Variants in PAM observed in about 807,000 individuals in gnomAD.
PAM encodes the protein peptidyl-glycine alpha-amidating monooxygenase.
Under a neutral mutation model 122.1 loss-of-function variants are expected in PAM, and 72 were observed. The observed-to-expected ratio is 0.59, with a 90% CI of 0.49 to 0.72. PAM has a LOEUF of 0.72. Ranked by LOEUF, PAM falls within the 30% of genes least tolerant of loss-of-function variation. PAM has a pLI of 0.00. For missense variants in PAM, 1,106 were observed against 1,183.7 expected (o/e 0.93, Z 0.96); for synonymous variants, 389 against 404.4 (o/e 0.96, Z 0.46).
chr5:102,947,143 G>A (rs1031923307), intron 8 of PAM, among the ~76,000 whole-genome samples: 2 of 152,170 alleles, frequency 1.3e-5, no homozygotes, highest in Admixed American at 1.3e-4. Flanking sequence ...TGACTGGGGA[G>A]GAGCCACTTC....
chr5:102,793,178 C>T (rs546408882), intron 1 of PAM, among the ~76,000 whole-genome samples: 12 of 152,090 alleles, frequency 7.9e-5, no homozygotes, highest in Non-Finnish European at 1.5e-4. Flanking sequence ...AAATTCCCTC[C>T]GTGTAAATTA....
intron 15 of PAM, among the ~76,000 whole-genome samples, chr5:102,977,515 A>C (rs1259135411): frequency 6.6e-6 from 1 of 151,966 alleles, no homozygotes; most frequent in Non-Finnish European, 1.5e-5. Flanking sequence ...ACTCTGAACA[A>C]TTGTGAAAAC....
At chr5:102,887,953 A>G (rs933813747) in intron 3 of PAM, among the ~76,000 whole-genome samples, 2 of 151,606 alleles carry the variant, frequency 1.3e-5, no homozygotes, top group Non-Finnish European at 2.9e-5. Context: ...CGCATCCTCC[A>G]CCTTTTAGAG....
intron 1 of PAM, among the ~76,000 whole-genome samples, chr5:102,775,036 G>A (rs1756795156): frequency 6.6e-6 from 1 of 151,606 alleles, no homozygotes; most frequent in African/African-American, 2.4e-5. Context: ...TAACTACTTA[G>A]TTCTGGAATT....
At chr5:103,015,698 G>A (rs1381074211) in intron 21 of PAM, among the ~76,000 whole-genome samples, 2 of 152,176 alleles carry the variant, frequency 1.3e-5, no homozygotes, top group African/African-American at 2.4e-5. Context: ...TCCTATAGTG[G>A]CCCCAAAGTA....
At position 103,003,035 on chromosome 5, in the gene PAM, C is replaced by T. The variant is rs78408340; in HGVS notation, c.1616C>T (p.Ser539Leu). ...CCTATTTAATGCTTTTTGTTTAGCT[C>T]GTTTGACAGCAAGTTTGTTTACCAG... ...HRGDHVWDGNSFDSKFVYQQI... is the reference protein window; with the variant it reads ...HRGDHVWDGNLFDSKFVYQQI... Residue 539 changes from serine (S) to leucine (L), a missense_variant and splice_region_variant, in exon 17 of 26, where the codon TCG becomes TTG. Ser to Leu is a moderately radical substitution (Grantham distance 145, BLOSUM62 -2). Coordinates refer to ENST00000438793, the MANE Select transcript of PAM (RefSeq NM_001177306.2). 93 of 1,492,478 alleles carry T rather than the reference C, an allele frequency of 6.2e-5. No homozygotes were observed. The highest frequency in any genetic ancestry group is 8.1e-5 in the Non-Finnish European group (87 of 1,070,182). The allele number at this position is 1,492,478 out of a possible 1,614,324, so 92.5% of individuals were successfully genotyped here. A position where few individuals can be genotyped will look rare whatever the true frequency, so the allele number is the denominator to read the frequency against.
intron 1 of PAM, among the ~76,000 whole-genome samples, chr5:102,788,670 A>G (rs1265354284): frequency 6.6e-6 from 1 of 152,122 alleles, no homozygotes; most frequent in Non-Finnish European, 1.5e-5. Context: ...TAACATCTGT[A>G]TTATGGGCCA....
In PAM at chr5:103,029,044, G is replaced by T; in HGVS notation, c.2901G>T (p.Ala967=). The change falls in exon 26 of 26, where the codon GCG becomes GCT. Residue 967 remains alanine (A), a synonymous_variant. Coordinates refer to ENST00000438793, the MANE Select transcript of PAM (RefSeq NM_001177306.2). ...SEEEYSAPLP[A]LAPSSS ...AGGAGTATTCAGCACCTCTGCCTGCGCTCGCACCTTCCTCCTCCTGAAAAC... is the reference window on the plus strand; with the variant it reads ...AGGAGTATTCAGCACCTCTGCCTGCTCTCGCACCTTCCTCCTCCTGAAAAC... 1 of 1,606,782 alleles carries T rather than the reference G, an allele frequency of 6.2e-7. No homozygotes were observed. The highest frequency in any genetic ancestry group is 8.5e-7 in the Non-Finnish European group (1 of 1,177,954).
At chr5:102,987,037 A>G (rs1163410393) in intron 15 of PAM, among the ~76,000 whole-genome samples, 1 of 152,204 alleles carries the variant, frequency 6.6e-6, no homozygotes. Context: ...TAGTGCAATC[A>G]TTATACCAAT....
chr5:103,024,699 A>G (rs901909747), intron 23 of PAM, among the ~76,000 whole-genome samples: 2 of 152,182 alleles, frequency 1.3e-5, no homozygotes, highest in African/African-American at 4.8e-5. Flanking sequence ...AGATGAAGTT[A>G]CTGTGGCCCA....
intron 1 of PAM, among the ~76,000 whole-genome samples, chr5:102,837,191 T>C (rs559423810): frequency 2.0e-5 from 3 of 152,326 alleles, no homozygotes; most frequent in African/African-American, 7.2e-5. Context: ...ACAGTAATTA[T>C]AATGTATTTC....
intron 1 of PAM, among the ~76,000 whole-genome samples, chr5:102,817,524 G>C (rs1405877536): frequency 6.6e-6 from 1 of 152,050 alleles, no homozygotes; most frequent in Non-Finnish European, 1.5e-5. Flanking sequence ...TATTTTTAAA[G>C]TGATTTCATT....
At chr5:103,006,671 TA>T (rs1157317964) in intron 18 of PAM, 129 bp from the exon 19 acceptor site, 2 of 674,204 alleles carry the variant, frequency 3.0e-6, no homozygotes, top group African/African-American at 3.6e-5. Flanking sequence ...TAACAAGTAT[TA>T]ATACCTTCTT....
intron 1 of PAM, among the ~76,000 whole-genome samples, chr5:102,787,315 A>G (rs1337427945): frequency 1.3e-5 from 2 of 152,038 alleles, no homozygotes; most frequent in African/African-American, 4.8e-5. Flanking sequence ...GCCATGTTCT[A>G]AATGTAGCTA....
chr5:102,783,648 T>G (rs1759650489), intron 1 of PAM, among the ~76,000 whole-genome samples: 1 of 152,136 alleles, frequency 6.6e-6, no homozygotes, highest in South Asian at 2.1e-4. Flanking sequence ...ATCTAGAAAT[T>G]AATTCTCTTT....
intron 7 of PAM, among the ~76,000 whole-genome samples, chr5:102,939,026 GTTAA>G (rs1198020288): frequency 6.6e-6 from 1 of 152,080 alleles, no homozygotes; most frequent in Non-Finnish European, 1.5e-5. Context: ...TTTCTTTTAT[GTTAA>G]TTGACTGTTT....
intron 16 of PAM, among the ~76,000 whole-genome samples, chr5:102,991,671 T>C (rs1369857750): frequency 6.6e-6 from 1 of 152,150 alleles, no homozygotes; most frequent in African/African-American, 2.4e-5. Flanking sequence ...AATTGTCCTT[T>C]CCAGTTGTCA....
At chr5:102,993,372 C>G (rs1317337130) in intron 16 of PAM, among the ~76,000 whole-genome samples, 1 of 152,088 alleles carries the variant, frequency 6.6e-6, no homozygotes, top group Non-Finnish European at 1.5e-5. Flanking sequence ...ATCGCCACCC[C>G]ACTCAAAGTG....
At chr5:102,782,733 G>C (rs963416713) in intron 1 of PAM, among the ~76,000 whole-genome samples, 1,543 of 150,186 alleles carry the variant, frequency 0.01, 13 homozygotes, top group African/African-American at 0.036. Flanking sequence ...CTCTGTGTGT[G>C]TGTGTGTGTG....
Sources: gnomAD v4.1 joint callset for allele counts (sites outside exome capture counted in the v4.1 genomes callset) on GRCh38, gnomAD v4.1.1 for gene constraint, MANE v1.5 for transcripts, NCBI Gene and HGNC (gene_info 2026-07-23, HGNC 2026-07-21) for gene names.